The following ZNF134 variants were observed in gnomAD, a reference collection of about 807,000 sequenced individuals.
The protein encoded by ZNF134 is zinc finger protein 134.
In ZNF134, 5 loss-of-function variants were observed where a neutral mutation model predicts 2.5. The observed-to-expected ratio is 2.03, with a 90% CI of 1.06 to 4.27. The LOEUF (loss-of-function observed/expected upper bound fraction) is 4.27. ZNF134 is among the 30% of genes most tolerant of loss of function. ZNF134 has a pLI of 0.00. For synonymous variants in ZNF134, 176 were observed against 176.2 expected (o/e 1.00, Z 0.01); for missense variants, 540 against 517.5 (o/e 1.04, Z -0.42).
chr19:57,621,410 T>G lies in ZNF134; in HGVS notation c.*7T>G. ...CACTGCAGGCAGGCTTTAGGAGTGC[T>G]TTGAATACAACAGGACTCATCAATC... On this transcript the variant is annotated 3_prime_UTR_variant, in exon 3 of 3. Coordinates refer to ENST00000396161, the MANE Select transcript of ZNF134 (RefSeq NM_003435.5). The G allele has an allele frequency of 6.2e-7, 1 of 1,611,946 alleles. No individual in the cohort carries two copies. Among genetic ancestry groups the G allele is most frequent in the Middle Eastern group, 1.6e-4 (1 of 6,062 alleles).
In ZNF134 at chr19:57,619,513, G is replaced by T; in HGVS notation, c.40+5G>T. 1 of 1,599,430 alleles carries T rather than the reference G, an allele frequency of 6.3e-7. No homozygotes were observed. The highest frequency in any genetic ancestry group is 2.2e-5 in the East Asian group (1 of 44,474). ...GAGGGGCTTGGACAGGCCCTGGTGA[G>T]TGGGAGCTGAGGGACGCCATAACCT... On this transcript the variant is annotated splice_donor_5th_base_variant and intron_variant, in intron 2 of 2. Coordinates refer to ENST00000396161, the MANE Select transcript of ZNF134 (RefSeq NM_003435.5).
Position 57,621,046 on chromosome 19 carries a change from T to C in ZNF134, c.927T>C (p.Ile309=), listed in dbSNP as rs371591822. 48 of 1,614,064 alleles carry C rather than the reference T, an allele frequency of 3.0e-5. No individual in the cohort carries two copies. In the African/African-American group the frequency reaches 6.0e-4, roughly 20 times the overall value. The change falls in exon 3 of 3, where the codon ATT becomes ATC. Residue 309 remains isoleucine, a synonymous_variant. Coordinates refer to ENST00000396161, the MANE Select transcript of ZNF134 (RefSeq NM_003435.5). ...CTACACTTGTTCAGCATGAGAGTAT[T>C]CACACTGGAGAAAATCCTTATGATT... is the stretch of plus-strand genomic sequence containing the variant. ...HKSTLVQHES[I]HTGENPYDCS...
In ZNF134 at chr19:57,619,402, T is replaced by G; in HGVS notation, c.-57-10T>G. On this transcript the variant is annotated splice_polypyrimidine_tract_variant and intron_variant, in intron 1 of 2. Transcript: ENST00000396161. ...TGTTTCACCTTTCCCCTATGCTTTG[T>G]ATCTTCCAGATCCTCTGTGGTTGTT... 6.4e-7 allele frequency: 1 copy of G among 1,559,222 alleles called. No individual in the cohort carries two copies. Among genetic ancestry groups the G allele is most frequent in the South Asian group, 1.2e-5 (1 of 84,912 alleles).
chr19:57,618,597 T>C (rs969996136), intron 1 of ZNF134, among the ~76,000 whole-genome samples: 1 of 152,172 alleles, frequency 6.6e-6, no homozygotes, highest in Non-Finnish European at 1.5e-5. Context: ...ATCTGTCCAC[T>C]TGCCTGTTCT....
chr19:57,617,664 G>A (rs1054693250), intron 1 of ZNF134, among the ~76,000 whole-genome samples: 1 of 152,184 alleles, frequency 6.6e-6, no homozygotes, highest in African/African-American at 2.4e-5. Flanking sequence ...GCTATCCACA[G>A]GGTGGCAGCC....
rs780838743 is a variant in ZNF134, at chr19:57,621,464, T to C, written c.*61T>C. The stretch of plus-strand genomic sequence containing the variant: ...TGTTGAATTTCATGTATCTGAACAT[T>C]GACACAAAGGAGATACCTTATGGTG... On this transcript the variant is annotated 3_prime_UTR_variant, in exon 3 of 3. Transcript: ENST00000396161. 5.0e-6 allele frequency: 8 copies of C among 1,602,158 alleles called. No homozygotes were observed. The East Asian group carries it at 1.3e-4, about 27-fold the overall frequency.
In ZNF134 at chr19:57,622,125, A is replaced by G. The variant is rs1019581299; in HGVS notation, c.*722A>G. On this transcript the variant is annotated 3_prime_UTR_variant, in exon 3 of 3. Coordinates refer to ENST00000396161, the MANE Select transcript of ZNF134 (RefSeq NM_003435.5). ...AAGTAAGAATTAAGATCTTGTGTAG[A>G]CCTGATTTGTCTGGATTTTAGAGTT... The G allele has an allele frequency of 5.8e-5, 9 of 155,484 alleles. No homozygotes were observed. Among genetic ancestry groups the G allele is most frequent in the Non-Finnish European group, 1.0e-4 (7 of 70,014 alleles). 9.6% of individuals were successfully genotyped at this position (155,484 alleles called of 1,614,324 possible).
rs1486867314 is a variant in ZNF134, at chr19:57,614,285, G to A, written c.-276G>A. The A allele has an allele frequency of 4.4e-6, 2 of 450,690 alleles. No homozygotes were observed. The highest frequency in any genetic ancestry group is 8.9e-6 in the Non-Finnish European group (2 of 224,570). 27.9% of individuals were successfully genotyped at this position (450,690 alleles called of 1,614,324 possible). On this transcript the variant is annotated 5_prime_UTR_variant, in exon 1 of 3. Coordinates refer to ENST00000396161, the MANE Select transcript of ZNF134 (RefSeq NM_003435.5). ...GCTCTTAGGTGGAACCATCGGAGCA[G>A]AAGCTCGGGGTTGCTGGGCGGTTCC...
Position 57,614,514 on chromosome 19 carries a change from C to G in ZNF134, c.-58+11C>G, listed in dbSNP as rs566439880. 3.5e-3 allele frequency: 1,236 copies of G among 355,734 alleles called. 1 individual carries two copies. Among genetic ancestry groups the G allele is most frequent in the Non-Finnish European group, 5.6e-3 (1,023 of 181,720 alleles). The allele number at this position is 355,734 out of a possible 1,614,324, so 22.0% of individuals were successfully genotyped here. A position where few individuals can be genotyped will look rare whatever the true frequency, so the allele number is the denominator to read the frequency against. ...ATGGGCCCGGCGCAGGTGGGTGCTG[C>G]CTTTCCCAGACTTTCGCCCGCCCCA... On this transcript the variant is annotated intron_variant, in intron 1 of 2. Transcript: ENST00000396161.
Position 57,621,306 on chromosome 19 carries a change from G to A in ZNF134, c.1187G>A (p.Gly396Glu). 6.2e-7 allele frequency: 1 copy of A among 1,614,170 alleles called. No homozygotes were observed. Among genetic ancestry groups the A allele is most frequent in the Non-Finnish European group, 8.5e-7 (1 of 1,180,042 alleles). Residue 396 changes from glycine (G) to glutamate (E), a missense_variant, in exon 3 of 3, where the codon GGA becomes GAA. By Grantham distance (98) the Gly-to-Glu change is moderately conservative. Transcript: ENST00000396161. ...HLVRHQRVHT[G>E]ERPYECSECG... Reference sequence around the variant, plus strand: ...GTTCGACACCAAAGAGTTCACACTGGAGAAAGGCCATATGAGTGCAGTGAA... The same window carrying A: ...GTTCGACACCAAAGAGTTCACACTGAAGAAAGGCCATATGAGTGCAGTGAA...
intron 1 of ZNF134, among the ~76,000 whole-genome samples, chr19:57,617,173 T>G (rs1158825785): frequency 6.6e-6 from 1 of 152,160 alleles, no homozygotes; most frequent in Non-Finnish European, 1.5e-5. Context: ...GTTTGTATGC[T>G]GAGAGAATTG....
chr19:57,623,630 T>G lies in ZNF134; in HGVS notation c.*2227T>G, dbSNP rs1409046023. ...TAGAGAGAGAGATGTTTTAGAGAGA[T>G]AGCCAAGGATGTTTGCTGATACCGG... On this transcript the variant is annotated 3_prime_UTR_variant, in exon 3 of 3. Coordinates refer to ENST00000396161, the MANE Select transcript of ZNF134 (RefSeq NM_003435.5). 1 of 151,992 alleles carries G rather than the reference T, an allele frequency of 6.6e-6. No individual in the cohort carries two copies. Among genetic ancestry groups the G allele is most frequent in the Non-Finnish European group, 1.5e-5 (1 of 68,026 alleles). 9.4% of individuals were successfully genotyped at this position (151,992 alleles called of 1,614,324 possible).
intron 2 of ZNF134, 22 bp from the exon 3 acceptor site, chr19:57,620,128 CATGTACATCA>C (rs1239973872): frequency 2.5e-6 from 4 of 1,590,770 alleles, no homozygotes; most frequent in Middle Eastern, 1.7e-4. Flanking sequence ...CCAAAGTCAG[CATGTACATCA>C]ATAGTATTTT....
Position 57,622,057 on chromosome 19 carries a change from A to T in ZNF134, c.*654A>T, listed in dbSNP as rs1049610707. 1 of 161,652 alleles carries T rather than the reference A, an allele frequency of 6.2e-6. No individual in the cohort carries two copies. The highest frequency in any genetic ancestry group is 1.4e-5 in the Non-Finnish European group (1 of 72,678). The allele number at this position is 161,652 out of a possible 1,614,324, so 10.0% of individuals were successfully genotyped here. On this transcript the variant is annotated 3_prime_UTR_variant, in exon 3 of 3. Coordinates refer to ENST00000396161, the MANE Select transcript of ZNF134 (RefSeq NM_003435.5). ...AGTGGGTTGAGGGAGAACAGTTCTT[A>T]GTCCAGTTTTGATGTTAACTTCCAT...
At position 57,623,954 on chromosome 19, in the gene ZNF134, T is replaced by C. The variant is rs958535394; in HGVS notation, c.*2551T>C. The C allele has an allele frequency of 6.6e-6, 1 of 152,204 alleles. No individual in the cohort carries two copies. Among genetic ancestry groups the C allele is most frequent in the Admixed American group, 6.5e-5 (1 of 15,282 alleles). 9.4% of individuals were successfully genotyped at this position (152,204 alleles called of 1,614,324 possible). On this transcript the variant is annotated 3_prime_UTR_variant, in exon 3 of 3. Coordinates refer to ENST00000396161, the MANE Select transcript of ZNF134 (RefSeq NM_003435.5). Reference sequence around the variant, plus strand: ...CTTGAAAGTATGAAGTTAAAGGGTGTAGGCATGTAAAGTGTGAAGTTAAAG... The same window carrying C: ...CTTGAAAGTATGAAGTTAAAGGGTGCAGGCATGTAAAGTGTGAAGTTAAAG...
rs866031236 is a variant in ZNF134 at position 57,621,524 on chromosome 19, A to G, written c.*121A>G. On this transcript the variant is annotated 3_prime_UTR_variant, in exon 3 of 3. Coordinates refer to ENST00000396161, the MANE Select transcript of ZNF134 (RefSeq NM_003435.5). ...TGGGAACCTTCTAGGGATATGTTGC[A>G]CTTTCTGACTTGCTCAGGTTTTTTG... 6.7e-7 allele frequency: 1 copy of G among 1,485,620 alleles called. No homozygotes were observed. The highest frequency in any genetic ancestry group is 2.3e-5 in the East Asian group (1 of 44,352). The allele number at this position is 1,485,620 out of a possible 1,614,324, so 92.0% of individuals were successfully genotyped here. A position where few individuals can be genotyped will look rare whatever the true frequency, so the allele number is the denominator to read the frequency against.
chr19:57,618,575 C>T (rs1442165068), intron 1 of ZNF134, among the ~76,000 whole-genome samples: 1 of 152,000 alleles, frequency 6.6e-6, no homozygotes, highest in African/African-American at 2.4e-5. Context: ...CATACCAGGC[C>T]CATGGTGTTT....
In ZNF134 at chr19:57,621,664, C is replaced by A; in HGVS notation, c.*261C>A. ...GTATTGTCCAGTCCCTGGAGAAAAT[C>A]ATGAAATGCCTGAGTTCATTGGGGG... On this transcript the variant is annotated 3_prime_UTR_variant, in exon 3 of 3. Coordinates refer to ENST00000396161, the MANE Select transcript of ZNF134 (RefSeq NM_003435.5). The A allele has an allele frequency of 6.4e-6, 4 of 627,710 alleles. No individual in the cohort carries two copies. The highest frequency in any genetic ancestry group is 2.3e-5 in the Admixed American group (1 of 44,300). 38.9% of individuals were successfully genotyped at this position (627,710 alleles called of 1,614,324 possible).
intron 2 of ZNF134, 70 bp from the exon 3 acceptor site, chr19:57,620,090 C>G: frequency 6.5e-7 from 1 of 1,544,794 alleles, no homozygotes; most frequent in South Asian, 1.2e-5. Context: ...ACAGCAGACA[C>G]ATATTTGTGA....
Sources: gnomAD v4.1 joint callset for allele counts (sites outside exome capture counted in the v4.1 genomes callset) on GRCh38, gnomAD v4.1.1 for gene constraint, MANE v1.5 for transcripts, NCBI Gene and HGNC (gene_info 2026-07-23, HGNC 2026-07-21) for gene names.